The following THSD4 variants were observed in gnomAD, a reference collection of about 807,000 sequenced individuals.
THSD4 encodes thrombospondin type-1 domain-containing protein 4.
Under a neutral mutation model 119.0 loss-of-function variants are expected in THSD4, and 69 were observed. The observed-to-expected ratio is 0.58, with a 90% CI of 0.48 to 0.71. The LOEUF (loss-of-function observed/expected upper bound fraction) is 0.71, where lower values mean the gene tolerates loss of function less well. Ranked by LOEUF, THSD4 falls within the 30% of genes least tolerant of loss-of-function variation. The pLI is 0.00. For synonymous variants in THSD4, 524 were observed against 540.4 expected, an observed-to-expected ratio of 0.97 and a Z score of 0.42; for missense variants, 1,393 against 1,391.1, an observed-to-expected ratio of 1.00 and a Z score of -0.02.
chr15:71,157,790 A>G (rs2040794613), intron 3 of THSD4, among the ~76,000 whole-genome samples: 1 of 147,294 alleles, frequency 6.8e-6, no homozygotes. Context: ...AGGTCCATCC[A>G]TGTTGTCACA....
chr15:71,781,117 A>G lies in THSD4; in HGVS notation c.*3743A>G, dbSNP rs1413224728. The G allele has an allele frequency of 9.7e-6, 2 of 206,808 alleles. No homozygotes were observed. The highest frequency in any genetic ancestry group is 4.5e-5 in the African/African-American group (2 of 44,016). The allele number at this position is 206,808 out of a possible 1,614,324, so 12.8% of individuals were successfully genotyped here. A position where few individuals can be genotyped will look rare whatever the true frequency, so the allele number is the denominator to read the frequency against. On this transcript the variant is annotated 3_prime_UTR_variant, in exon 18 of 18. Coordinates refer to ENST00000261862, the MANE Select transcript of THSD4 (RefSeq NM_024817.3). ...GTATTTGATCCTTGCCATATAAAAC[A>G]TTTTAATATGGTTTACATGGGAAAA...
chr15:71,608,889 A>T (rs4354882), intron 7 of THSD4, among the ~76,000 whole-genome samples: 6 of 152,066 alleles, frequency 3.9e-5, no homozygotes, highest in Non-Finnish European at 5.9e-5. Context: ...GGATGATTTC[A>T]CACGCCCCAT....
chr15:71,459,701 T>C (rs1245565047), intron 7 of THSD4, among the ~76,000 whole-genome samples: 2 of 152,092 alleles, frequency 1.3e-5, no homozygotes, highest in Non-Finnish European at 2.9e-5. Context: ...AACTTAGGAA[T>C]GAATATATAT....
chr15:71,635,359 G>A (rs546816404), intron 7 of THSD4, among the ~76,000 whole-genome samples: 1 of 105,024 alleles, frequency 9.5e-6, no homozygotes, highest in Non-Finnish European at 2.1e-5. Flanking sequence ...GATTTAGTGG[G>A]TGGGAACACA....
At chr15:71,593,144 G>GGTGACCTTTTAAAAGCA (rs1353727997) in intron 7 of THSD4, among the ~76,000 whole-genome samples, 4 of 44,720 alleles carry the variant, frequency 8.9e-5, no homozygotes, top group Admixed American at 2.4e-4. Flanking sequence ...GAGCCTGTAG[G>GGTGACCTTTTAAAAGCA]CCGGGCGCGG....
At chr15:71,326,703 ATATAT>A in intron 6 of THSD4, among the ~76,000 whole-genome samples, 1 of 41,666 alleles carries the variant, frequency 2.4e-5, no homozygotes, top group East Asian at 7.4e-4. Context: ...AAAAAAAAAT[ATATAT>A]ATATATATAT....
intron 7 of THSD4, among the ~76,000 whole-genome samples, chr15:71,545,170 T>G (rs1370350527): frequency 6.6e-6 from 1 of 152,232 alleles, no homozygotes; most frequent in Non-Finnish European, 1.5e-5. Context: ...ATTTATGTTG[T>G]CTATATGTTA....
At chr15:71,748,270 C>G (rs2053377314) in intron 13 of THSD4, 151 bp from the exon 14 acceptor site, 2 of 902,224 alleles carry the variant, frequency 2.2e-6, no homozygotes, top group Non-Finnish European at 3.3e-6. Context: ...GTGGAGTTTT[C>G]TAGGGCTCAG....
At chr15:71,362,886 G>A (rs1380950691) in intron 6 of THSD4, among the ~76,000 whole-genome samples, 1 of 151,674 alleles carries the variant, frequency 6.6e-6, no homozygotes, top group Non-Finnish European at 1.5e-5. Context: ...GTAAAGCAGG[G>A]GTGTCTAATC....
chr15:71,199,637 GT>G (rs2043761045), intron 3 of THSD4, among the ~76,000 whole-genome samples: 2 of 61,350 alleles, frequency 3.3e-5, no homozygotes, highest in African/African-American at 1.6e-4. Flanking sequence ...GGTGTGTGTG[GT>G]GTGTGTGTGG....
At chr15:71,441,485 T>G (rs1169806657) in intron 7 of THSD4, among the ~76,000 whole-genome samples, 1 of 141,636 alleles carries the variant, frequency 7.1e-6, no homozygotes, top group Non-Finnish European at 1.5e-5. Flanking sequence ...CCTGGGGTTT[T>G]TTTTTTTTTA....
At chr15:71,340,477 G>A (rs1016482818) in intron 6 of THSD4, among the ~76,000 whole-genome samples, 5 of 152,128 alleles carry the variant, frequency 3.3e-5, no homozygotes, top group South Asian at 2.1e-4. Context: ...GAGCCAGGCC[G>A]TGTGACCCAT....
At chr15:71,460,722 G>A (rs375856791) in intron 7 of THSD4, among the ~76,000 whole-genome samples, 53 of 152,224 alleles carry the variant, frequency 3.5e-4, no homozygotes, top group Non-Finnish European at 6.6e-4. Flanking sequence ...ACCTGTTTGC[G>A]TACAAGATAG....
intron 3 of THSD4, chr15:71,164,994 G>C: frequency 6.3e-7 from 1 of 1,590,106 alleles, no homozygotes; most frequent in Non-Finnish European, 8.6e-7. Context: ...TCATAAGGCT[G>C]CTTGTCATCT....
intron 3 of THSD4, among the ~76,000 whole-genome samples, chr15:71,170,490 G>A (rs2043347810): frequency 6.6e-6 from 1 of 152,196 alleles, no homozygotes; most frequent in Non-Finnish European, 1.5e-5. Flanking sequence ...TGGGGGAATA[G>A]TTAACCCTAG....
At chr15:71,198,083 T>C (rs746863592) in intron 3 of THSD4, among the ~76,000 whole-genome samples, 3 of 152,102 alleles carry the variant, frequency 2.0e-5, no homozygotes, top group African/African-American at 4.8e-5. Flanking sequence ...AGTGAGACCC[T>C]GTCTCTACGA....
chr15:71,245,715 C>A (rs993522008), intron 5 of THSD4, among the ~76,000 whole-genome samples: 1 of 152,148 alleles, frequency 6.6e-6, no homozygotes, highest in Non-Finnish European at 1.5e-5. Flanking sequence ...CACATAGGCA[C>A]CCTCTGCCTG....
intron 7 of THSD4, among the ~76,000 whole-genome samples, chr15:71,597,916 C>T (rs2049936068): frequency 6.6e-6 from 1 of 152,132 alleles, no homozygotes; most frequent in Admixed American, 6.6e-5. Flanking sequence ...TTTCATTTCT[C>T]CCTCAGATAT....
At chr15:71,392,940 T>C (rs1354123201) in intron 6 of THSD4, among the ~76,000 whole-genome samples, 1 of 152,232 alleles carries the variant, frequency 6.6e-6, no homozygotes, top group Admixed American at 6.5e-5. Flanking sequence ...GACAAGAACA[T>C]CCTTCCCAGC....
Sources: allele counts gnomAD v4.1 joint callset (sites outside exome capture counted in the v4.1 genomes callset), GRCh38; gene constraint gnomAD v4.1.1; transcripts MANE v1.5; gene names NCBI Gene and HGNC (gene_info 2026-07-23, HGNC 2026-07-21).